Variants in CENPU observed in about 807,000 individuals in gnomAD.
The protein encoded by CENPU is centromere protein U.
In CENPU, 46 loss-of-function variants were observed where a neutral mutation model predicts 56.7. The ratio of observed to expected loss-of-function variants is 0.81; its 90% CI spans 0.64 to 1.04. The LOEUF is 1.04. Ranked by LOEUF, CENPU falls within the 50% of genes least tolerant of loss-of-function variation. CENPU has a pLI of 0.00. For missense variants in CENPU, 510 were observed against 490.1 expected, an observed-to-expected ratio of 1.04 and a Z score of -0.38; for synonymous variants, 166 against 163.0, an observed-to-expected ratio of 1.02 and a Z score of -0.14.
intron 3 of CENPU, among the ~76,000 whole-genome samples, chr4:184,728,641 A>C (rs964101133): frequency 2.0e-5 from 3 of 152,202 alleles, no homozygotes; most frequent in African/African-American, 7.2e-5. Context: ...AATGTATGCT[A>C]TGTTCCCCTT....
chr4:184,703,945 C>T (rs1249101140), intron 8 of CENPU, among the ~76,000 whole-genome samples: 1 of 151,200 alleles, frequency 6.6e-6, no homozygotes, highest in East Asian at 1.9e-4. Flanking sequence ...ATGCATTATG[C>T]ACATACTTGT....
At chr4:184,718,408 A>C (rs1761165223) in intron 4 of CENPU, among the ~76,000 whole-genome samples, 1 of 152,242 alleles carries the variant, frequency 6.6e-6, no homozygotes, top group South Asian at 2.1e-4. Context: ...TAACTGCCTC[A>C]GTGTCTACTC....
intron 3 of CENPU, among the ~76,000 whole-genome samples, chr4:184,726,260 A>G (rs28524599): frequency 0.18 from 27,083 of 152,116 alleles, 2,707 homozygotes; most frequent in African/African-American, 0.26. Context: ...GATTCTTACA[A>G]CTTCATAATA....
chr4:184,711,601 T>C (rs2150213145), intron 7 of CENPU, among the ~76,000 whole-genome samples: 1 of 152,334 alleles, frequency 6.6e-6, no homozygotes, highest in East Asian at 1.9e-4. Context: ...TTTATTCACA[T>C]GAAGTTATTC....
At chr4:184,705,290 T>TA (rs1241239797) in intron 8 of CENPU, among the ~76,000 whole-genome samples, 1 of 152,164 alleles carries the variant, frequency 6.6e-6, no homozygotes, top group Non-Finnish European at 1.5e-5. Context: ...TCCAAGGCAT[T>TA]ATGCTGAGTG....
At chr4:184,701,183 G>C (rs1760522978) in intron 10 of CENPU, among the ~76,000 whole-genome samples, 1 of 152,172 alleles carries the variant, frequency 6.6e-6, no homozygotes, top group Non-Finnish European at 1.5e-5. Context: ...AAAGTGAGGA[G>C]ATTTTATCTA....
intron 11 of CENPU, 32 bp from the exon 12 acceptor site, chr4:184,697,835 T>C (rs770063663): frequency 1.3e-6 from 2 of 1,558,868 alleles, no homozygotes; most frequent in Non-Finnish European, 1.7e-6. Flanking sequence ...AATAATAAAA[T>C]GTACCAGCCT....
chr4:184,726,158 GGATTT>G (rs774925689), intron 3 of CENPU, among the ~76,000 whole-genome samples: 1 of 152,070 alleles, frequency 6.6e-6, no homozygotes, highest in Non-Finnish European at 1.5e-5. Context: ...CGAGGCAAAG[GGATTT>G]ATTTACTCTA....
intron 4 of CENPU, among the ~76,000 whole-genome samples, chr4:184,718,058 T>A (rs966545577): frequency 6.6e-6 from 1 of 152,184 alleles, no homozygotes; most frequent in Non-Finnish European, 1.5e-5. Context: ...GGCACCCACA[T>A]AGGCATGCTG....
At chr4:184,722,392 T>C (rs1761310666) in intron 4 of CENPU, among the ~76,000 whole-genome samples, 1 of 152,046 alleles carries the variant, frequency 6.6e-6, no homozygotes, top group African/African-American at 2.4e-5. Flanking sequence ...AATAAATGTA[T>C]AAATTTACCT....
At chr4:184,720,063 C>G (rs1021074022) in intron 4 of CENPU, among the ~76,000 whole-genome samples, 1 of 152,102 alleles carries the variant, frequency 6.6e-6, no homozygotes, top group Non-Finnish European at 1.5e-5. Context: ...CCTGGAGAAA[C>G]AGGAGATACA....
Position 184,734,047 on chromosome 4 carries a change from G to C in CENPU, c.16C>G (p.Arg6Gly), listed in dbSNP as rs200073054. The change falls in exon 1 of 13, where the codon CGG (arginine) becomes GGG (glycine). Residue 6 changes from arginine to glycine, a missense_variant. By Grantham distance (125) the Arg-to-Gly change is moderately radical (BLOSUM62 -2). Transcript: ENST00000281453. ...GACCTGTGAGGCCGCGGCCGCCGCC[G>C]CCCCCGCGGGGCCATGGTGCCGCTC... MAPRG[R>G]RRPRPHRSEG... 1 of 1,570,628 alleles carries C rather than the reference G, an allele frequency of 6.4e-7. No individual in the cohort carries two copies. Among genetic ancestry groups the C allele is most frequent in the Non-Finnish European group, 8.6e-7 (1 of 1,160,028 alleles).
chr4:184,721,457 T>TAAAAAA lies in CENPU; in HGVS notation c.320+3494_320+3499dup, dbSNP rs138476894. Among the ~76,000 whole-genome samples, 150 of 74,542 alleles carry TAAAAAA rather than the reference T, an allele frequency of 2.0e-3. 5 individuals carry two copies. Among genetic ancestry groups the TAAAAAA allele is most frequent in the African/African-American group, 9.2e-3 (137 of 14,824 alleles). 48.9% of individuals were successfully genotyped at this position (74,542 alleles called of 152,430 possible). A position where few individuals can be genotyped will look rare whatever the true frequency, so the allele number is the denominator to read the frequency against. ...TCAAAAGACATAGAGTGGCTGATTG[T>TAAAAAA]AAAAAAAAAAAAAAAAAAAAAGGAC... On this transcript the variant is annotated intron_variant, in intron 4 of 12. Transcript: ENST00000281453.
At chr4:184,719,780 T>C (rs767437455) in intron 4 of CENPU, among the ~76,000 whole-genome samples, 99 of 152,174 alleles carry the variant, frequency 6.5e-4, no homozygotes, top group Non-Finnish European at 1.1e-3. Flanking sequence ...GAGAGGACTT[T>C]GTTTTCCATC....
rs1278230283 is a variant in CENPU at position 184,717,219 on chromosome 4, A to G, written c.321-23T>C. 4.4e-6 allele frequency: 7 copies of G among 1,583,190 alleles called. No individual in the cohort carries two copies. The South Asian group carries it at 4.5e-5, about 10-fold the overall frequency. ...GAACTGTAAAAAGTACAAGCCATCAATATCTTGTACACATTCCATTTATAT... is the reference window on the plus strand; with the variant it reads ...GAACTGTAAAAAGTACAAGCCATCAGTATCTTGTACACATTCCATTTATAT... On this transcript the variant is annotated intron_variant, in intron 4 of 12. Coordinates refer to ENST00000281453, the MANE Select transcript of CENPU (RefSeq NM_024629.4).
rs1220711657 is a variant in CENPU, at chr4:184,710,390, T to C, written c.689-210A>G. Reference sequence around the variant, plus strand: ...ACTTTCACTCTAACTGCTGTCTCGCTGGTTCTCCTATTTCTGCTAAAGCAA... The same window carrying C: ...ACTTTCACTCTAACTGCTGTCTCGCCGGTTCTCCTATTTCTGCTAAAGCAA... On this transcript the variant is annotated intron_variant, in intron 7 of 12. Transcript: ENST00000281453. The C allele has an allele frequency of 8.0e-6, 3 of 374,732 alleles. No individual in the cohort carries two copies. The Admixed American group carries it at 1.4e-4, about 17-fold the overall frequency. The allele number at this position is 374,732 out of a possible 1,614,324, so 23.2% of individuals were successfully genotyped here.
chr4:184,699,202 C>T (rs1040816647), intron 11 of CENPU, among the ~76,000 whole-genome samples: 10 of 151,894 alleles, frequency 6.6e-5, no homozygotes, highest in African/African-American at 1.7e-4. Context: ...CAGTGGCAGG[C>T]GCCTGTAGTC....
chr4:184,724,808 G>C, intron 4 of CENPU, 149 bp downstream of exon 4: 1 of 542,376 alleles, frequency 1.8e-6, no homozygotes, highest in Middle Eastern at 4.4e-4. Context: ...TATTAATAAA[G>C]TTTTTATGCC....
At chr4:184,725,774 TA>T (rs1761429453) in intron 3 of CENPU, among the ~76,000 whole-genome samples, 1 of 152,076 alleles carries the variant, frequency 6.6e-6, no homozygotes, top group Non-Finnish European at 1.5e-5. Flanking sequence ...AGCCTTTAGA[TA>T]ACATAAAAAG....
Sources: allele counts gnomAD v4.1 joint callset (sites outside exome capture counted in the v4.1 genomes callset), GRCh38; gene constraint gnomAD v4.1.1; transcripts MANE v1.5; gene names NCBI Gene and HGNC (gene_info 2026-07-23, HGNC 2026-07-21).